Variants in SCIMP observed in about 807,000 individuals in gnomAD.
The protein encoded by SCIMP is SLP adapter and CSK-interacting membrane protein.
In SCIMP, 18 loss-of-function variants were observed where a neutral mutation model predicts 22.0. The observed-to-expected ratio is 0.82, with a 90% CI of 0.56 to 1.21. The LOEUF (loss-of-function observed/expected upper bound fraction) is 1.21, where lower values mean the gene tolerates loss of function less well. Ranked by LOEUF, SCIMP falls within the 50% of genes most tolerant of loss-of-function variation. The probability of loss-of-function intolerance (pLI) is 0.00; values close to 1 mark genes in which losing one functional copy is unlikely to be tolerated. For synonymous variants in SCIMP, 53 were observed against 62.2 expected (o/e 0.85, Z 0.70); for missense variants, 155 against 171.2 (o/e 0.91, Z 0.53).
intron 3 of SCIMP, among the ~76,000 whole-genome samples, chr17:5,218,653 A>G (rs1348673668): frequency 2.0e-5 from 3 of 152,028 alleles, no homozygotes; most frequent in Non-Finnish European, 4.4e-5. Context: ...TTTTATTCTT[A>G]AAAAAGGCAA....
At chr17:5,213,694 A>G (rs1382295848) in intron 4 of SCIMP, 2 of 152,092 alleles carry the variant, frequency 1.3e-5, no homozygotes, top group Admixed American at 1.3e-4. Context: ...TAAACATACA[A>G]AAAATTAGCT....
At chr17:5,219,744 G>A (rs2074592175) in intron 3 of SCIMP, among the ~76,000 whole-genome samples, 1 of 152,172 alleles carries the variant, frequency 6.6e-6, no homozygotes. Context: ...CTGGGGCCCT[G>A]GGCCATGTTT....
chr17:5,221,258 A>G, intron 3 of SCIMP, 29 bp downstream of exon 3: 1 of 1,560,208 alleles, frequency 6.4e-7, no homozygotes, highest in African/African-American at 1.4e-5. Context: ...TCTCAACAGT[A>G]AAAAGCGGAA....
intron 4 of SCIMP, chr17:5,213,198 C>G: frequency 2.0e-6 from 2 of 984,744 alleles, no homozygotes; most frequent in Non-Finnish European, 2.4e-6. Flanking sequence ...GAATTTACAC[C>G]CTTATATCAG....
In SCIMP at chr17:5,221,273, T is replaced by TC; in HGVS notation, c.209+13dup. On this transcript the variant is annotated intron_variant, in intron 3 of 4. Coordinates refer to ENST00000574081, the MANE Select transcript of SCIMP (RefSeq NM_207103.3). ...TCTCAACAGTAAAAAGCGGAAGGAT[T>TC]CCCCCCTACTTACTCATACATCTTT... The TC allele has an allele frequency of 1.9e-6, 3 of 1,598,842 alleles. No individual in the cohort carries two copies. The highest frequency in any genetic ancestry group is 2.6e-6 in the Non-Finnish European group (3 of 1,166,250).
chr17:5,215,287 C>T (rs1016437733), intron 3 of SCIMP: 8 of 302,566 alleles, frequency 2.6e-5, no homozygotes, highest in African/African-American at 1.1e-4. Context: ...GAGCTGGATT[C>T]GGAGAGGTAG....
At chr17:5,229,035 G>A (rs577170653) in intron 1 of SCIMP, among the ~76,000 whole-genome samples, 7 of 152,308 alleles carry the variant, frequency 4.6e-5, no homozygotes, top group Non-Finnish European at 7.3e-5. Context: ...CAGGCTCCCC[G>A]TCCTGCGCTG....
chr17:5,223,917 C>G (rs1459558359), intron 1 of SCIMP, among the ~76,000 whole-genome samples: 2 of 152,196 alleles, frequency 1.3e-5, no homozygotes, highest in Non-Finnish European at 2.9e-5. Context: ...CAGCCATACC[C>G]TACTCATTAA....
chr17:5,220,110 A>G (rs181483634), intron 3 of SCIMP, among the ~76,000 whole-genome samples: 1 of 152,204 alleles, frequency 6.6e-6, no homozygotes. Flanking sequence ...TCCCCAACGC[A>G]GATATTGGTC....
chr17:5,232,241 C>G (rs1371593651), intron 1 of SCIMP, among the ~76,000 whole-genome samples: 1 of 151,768 alleles, frequency 6.6e-6, no homozygotes, highest in Non-Finnish European at 1.5e-5. Flanking sequence ...GCGTTACAAG[C>G]CCCTCTGGTG....
In SCIMP at chr17:5,210,813, T is replaced by G; in HGVS notation, c.426A>C (p.Lys142Asn). Residue 142 changes from lysine (K) to asparagine (N), a missense_variant, in exon 5 of 5, where the codon AAA (lysine) becomes AAC (asparagine). Physicochemically the swap from Lys to Asn is moderately conservative, Grantham distance 94 (BLOSUM62 0). Transcript: ENST00000574081. ...DDVEIPANTE[K>N]ASF is the part of the protein sequence containing the mutation. The stretch of plus-strand genomic sequence containing the variant: ...AGAAATGGCTGTTTCAAAATGATGC[T>G]TTTTCAGTATTTGCAGGGATTTCAA... 1 of 1,606,828 alleles carries G rather than the reference T, an allele frequency of 6.2e-7. No individual in the cohort carries two copies.
chr17:5,210,128 G>A lies in SCIMP; in HGVS notation c.*673C>T, dbSNP rs3031. ...TTGTTACAGTACAACTTGCAAGCACGGGGAGAAAACCTAGGTGAAAACTCA... is the reference window on the plus strand; with the variant it reads ...TTGTTACAGTACAACTTGCAAGCACAGGGAGAAAACCTAGGTGAAAACTCA... On this transcript the variant is annotated 3_prime_UTR_variant, in exon 5 of 5. Coordinates refer to ENST00000574081, the MANE Select transcript of SCIMP (RefSeq NM_207103.3). 0.31 allele frequency: 47,342 copies of A among 152,000 alleles called. 9,381 individuals carry two copies. Among genetic ancestry groups the A allele is most frequent in the Non-Finnish European group, 0.44 (30,129 of 67,962 alleles). The allele number at this position is 152,000 out of a possible 1,614,324, so 9.4% of individuals were successfully genotyped here.
rs370629176 is a variant in SCIMP, at chr17:5,221,384, A to G, written c.146-34T>C. 1.2e-4 allele frequency: 189 copies of G among 1,537,052 alleles called. 1 individual carries two copies. In the African/African-American group the frequency reaches 2.5e-3, roughly 20 times the overall value. On this transcript the variant is annotated intron_variant, in intron 2 of 4. Coordinates refer to ENST00000574081, the MANE Select transcript of SCIMP (RefSeq NM_207103.3). ...GGAAAAGCATGTTCATTGAAGAAGA[A>G]TTAGCAAAAGTTGTGATTTTTTAAT...
At chr17:5,214,543 G>T in intron 4 of SCIMP, 1 of 135,130 alleles carries the variant, frequency 7.4e-6, no homozygotes, top group Non-Finnish European at 1.5e-5. Context: ...GGGACAGAGC[G>T]AGACTCCATC....
At chr17:5,214,248 C>T (rs1046719555) in intron 4 of SCIMP, 1 of 152,296 alleles carries the variant, frequency 6.6e-6, no homozygotes, top group East Asian at 1.9e-4. Context: ...TTACAGCAGC[C>T]TGAGCTATCT....
At chr17:5,232,350 A>G (rs1370541787) in intron 1 of SCIMP, among the ~76,000 whole-genome samples, 3 of 26,108 alleles carry the variant, frequency 1.1e-4, no homozygotes, top group African/African-American at 2.2e-4. Flanking sequence ...GGGGTGGAAT[A>G]TAAACAGTGC....
intron 1 of SCIMP, 66 bp downstream of exon 1, chr17:5,234,669 C>T (rs758024206): frequency 5.8e-5 from 90 of 1,559,414 alleles, no homozygotes; most frequent in Admixed American, 2.6e-4. Flanking sequence ...GCCCTGATGC[C>T]AGCGCTGGCA....
intron 1 of SCIMP, among the ~76,000 whole-genome samples, chr17:5,232,927 G>T (rs147097813): frequency 0.019 from 2,946 of 152,104 alleles, 86 homozygotes; most frequent in African/African-American, 0.065. Flanking sequence ...GGCCTGGCTG[G>T]TCTCAAACTC....
chr17:5,229,384 C>CTTTTT (rs71151849), intron 1 of SCIMP, among the ~76,000 whole-genome samples: 2 of 59,284 alleles, frequency 3.4e-5, no homozygotes, highest in Admixed American at 2.3e-4. Context: ...GTTTATTTAG[C>CTTTTT]TTTTTTTTTT....
Sources: gnomAD v4.1 joint callset for allele counts (sites outside exome capture counted in the v4.1 genomes callset) on GRCh38, gnomAD v4.1.1 for gene constraint, MANE v1.5 for transcripts, NCBI Gene and HGNC (gene_info 2026-07-23, HGNC 2026-07-21) for gene names.